Variants in THTPA observed in about 807,000 individuals in gnomAD.
THTPA encodes the protein thiamine-triphosphatase.
A neutral mutation model predicts 16.5 loss-of-function variants in THTPA; 16 were observed. The observed-to-expected ratio is 0.97, with a 90% confidence interval of 0.66 to 1.47. THTPA has a LOEUF of 1.47. Among genes scored for constraint, THTPA ranks in the 40% most tolerant of loss-of-function variants. The pLI is 0.00. For missense variants in THTPA, 281 were observed against 280.9 expected, an observed-to-expected ratio of 1.00 and a Z score of 0.00; for synonymous variants, 110 against 115.5, an observed-to-expected ratio of 0.95 and a Z score of 0.30.
chr14:23,535,025 C>T, the THTPA span: 1 of 1,536,184 alleles, frequency 6.5e-7, no homozygotes, highest in Non-Finnish European at 8.7e-7. The surrounding 1 kb of genome is among the most constrained non-coding windows in gnomAD (Gnocchi z 4.5). Flanking sequence ...CCTTCTTCTT[C>T]CTCCTCCTGC....
the THTPA span, chr14:23,522,576 C>T: frequency 6.6e-7 from 1 of 1,526,668 alleles, no homozygotes; most frequent in Non-Finnish European, 8.8e-7. Flanking sequence ...TGGAAGTAGG[C>T]CCCCTGTAGC....
At chr14:23,521,116 G>C in the THTPA span, 5 of 152,196 alleles carry the variant, frequency 3.3e-5, no homozygotes, top group Admixed American at 6.5e-5. Flanking sequence ...GCCGCTGAGA[G>C]GATCTCTGTG....
the THTPA span, chr14:23,513,593 A>C: frequency 1.3e-5 from 2 of 152,496 alleles, no homozygotes; most frequent in African/African-American, 4.8e-5. Context: ...GAGTTGCTTC[A>C]TGCTGCCTGC....
the THTPA span, chr14:23,530,626 C>G: frequency 1.7e-5 from 6 of 355,158 alleles, no homozygotes; most frequent in Admixed American, 8.1e-5. Flanking sequence ...GAGGAGATTA[C>G]CGCTCAAGTA....
chr14:23,549,300 T>A, the THTPA span, among the ~76,000 whole-genome samples: 1 of 152,118 alleles, frequency 6.6e-6, no homozygotes. Context: ...ACCCCATGTG[T>A]TTATTGCACC....
At chr14:23,513,291 C>G in the THTPA span, 1 of 152,456 alleles carries the variant, frequency 6.6e-6, no homozygotes, top group Non-Finnish European at 1.5e-5. Context: ...CACCCAATCC[C>G]AAACGGGTGC....
chr14:23,554,769 G>A (rs1311593269), upstream of THTPA, among the ~76,000 whole-genome samples: 1 of 152,056 alleles, frequency 6.6e-6, no homozygotes, highest in East Asian at 1.9e-4. Flanking sequence ...ATACTGGTGA[G>A]AGGGCAGGTG....
chr14:23,525,062 C>T, the THTPA span: 11 of 1,536,028 alleles, frequency 7.2e-6, no homozygotes, highest in African/African-American at 4.1e-5. The surrounding 1 kb of genome is among the most constrained non-coding windows in gnomAD (Gnocchi z 5.9). Context: ...ACTTGCGAGT[C>T]GCTCCACCTC....
the THTPA span, chr14:23,533,462 C>G: frequency 6.5e-7 from 1 of 1,535,046 alleles, no homozygotes; most frequent in South Asian, 1.2e-5. This position sits in a 1 kb window ranked among gnomAD's most constrained non-coding sequence, Gnocchi z 4.8. Flanking sequence ...GGGGTAGCCC[C>G]TGGTGGGGGA....
At chr14:23,549,590 GGAA>G in the THTPA span, among the ~76,000 whole-genome samples, 1 of 152,060 alleles carries the variant, frequency 6.6e-6, no homozygotes, top group South Asian at 2.1e-4. Flanking sequence ...CAGGGGCCTA[GGAA>G]GAAGATGAAC....
chr14:23,535,246 G>T, the THTPA span: 1 of 1,515,844 alleles, frequency 6.6e-7, no homozygotes, highest in East Asian at 2.5e-5. The surrounding 1 kb of genome is among the most constrained non-coding windows in gnomAD (Gnocchi z 4.5). Context: ...GGAGGAGAAG[G>T]TGTCCGAAGG....
At chr14:23,533,060 G>A in the THTPA span, 2 of 1,532,484 alleles carry the variant, frequency 1.3e-6, no homozygotes, top group Non-Finnish European at 1.7e-6. This position sits in a 1 kb window ranked among gnomAD's most constrained non-coding sequence, Gnocchi z 4.8. Context: ...AGGCAGGTGG[G>A]CATCAGGGGA....
the THTPA span, chr14:23,522,405 C>T: frequency 6.5e-7 from 1 of 1,536,398 alleles, no homozygotes; most frequent in Non-Finnish European, 8.7e-7. Flanking sequence ...GCTTCCCCCT[C>T]CCCTGGAGCA....
the THTPA span, chr14:23,525,533 G>C: frequency 1.4e-5 from 22 of 1,535,656 alleles, no homozygotes; most frequent in Non-Finnish European, 1.9e-5. The surrounding 1 kb of genome is among the most constrained non-coding windows in gnomAD (Gnocchi z 5.9). Context: ...GGCCTCAGGT[G>C]GGGGTGGGGT....
At chr14:23,525,120 G>C in the THTPA span, 1 of 1,536,178 alleles carries the variant, frequency 6.5e-7, no homozygotes, top group Non-Finnish European at 8.7e-7. The surrounding 1 kb of genome is among the most constrained non-coding windows in gnomAD (Gnocchi z 5.9). Context: ...TGCAGGGCTT[G>C]GGTCTGGAAC....
At chr14:23,548,990 C>G in the THTPA span, among the ~76,000 whole-genome samples, 1 of 152,156 alleles carries the variant, frequency 6.6e-6, no homozygotes, top group Admixed American at 6.5e-5. Flanking sequence ...CCTCAGCACT[C>G]CTTCGTTTGC....
At chr14:23,524,463 C>A in the THTPA span, 1 of 1,534,838 alleles carries the variant, frequency 6.5e-7, no homozygotes, top group South Asian at 1.2e-5. This position sits in a 1 kb window ranked among gnomAD's most constrained non-coding sequence, Gnocchi z 5.6. Context: ...AGAGGTGGAC[C>A]TGGCATTGGT....
chr14:23,522,578 C>A, the THTPA span: 3 of 1,527,648 alleles, frequency 2.0e-6, no homozygotes, highest in South Asian at 3.6e-5. Flanking sequence ...GAAGTAGGCC[C>A]CCTGTAGCTG....
chr14:23,518,989 C>T, the THTPA span, among the ~76,000 whole-genome samples: 2 of 152,178 alleles, frequency 1.3e-5, no homozygotes, highest in Non-Finnish European at 2.9e-5. This position sits in a 1 kb window ranked among gnomAD's most constrained non-coding sequence, Gnocchi z 4.5. Context: ...CCTCAGGAAG[C>T]ATGTTAATTG....
Sources: gnomAD v4.1 joint callset for allele counts (sites outside exome capture counted in the v4.1 genomes callset) on GRCh38, gnomAD v4.1.1 for gene constraint, Gnocchi (gnomAD v3.1) non-coding constraint, MANE v1.5 for transcripts, NCBI Gene and HGNC (gene_info 2026-07-23, HGNC 2026-07-21) for gene names.